The following TEPSIN variants were observed in gnomAD, a reference collection of about 807,000 sequenced individuals.
TEPSIN encodes the protein AP-4 complex accessory subunit tepsin.
TEPSIN carries 50 observed loss-of-function variants against 48.5 expected under a neutral mutation model. The observed-to-expected ratio is 1.03, with a 90% CI of 0.82 to 1.31. TEPSIN has a LOEUF of 1.31. TEPSIN is among the 50% of genes most tolerant of loss of function. TEPSIN has a pLI of 0.00. For missense variants in TEPSIN, 838 were observed against 815.9 expected (o/e 1.03, Z -0.33); for synonymous variants, 392 against 358.8 (o/e 1.09, Z -1.05).
In TEPSIN at chr17:81,231,140, C is replaced by T. The variant is rs577986559; in HGVS notation, c.1098+258G>A. 4.9e-5 allele frequency: 28 copies of T among 567,396 alleles called. No homozygotes were observed. The East Asian group carries it at 5.9e-4, about 12-fold the overall frequency. 35.1% of individuals were successfully genotyped at this position (567,396 alleles called of 1,614,324 possible). On this transcript the variant is annotated intron_variant, in intron 11 of 12. Transcript: ENST00000637944. ...ACATGCAGTCATGTACACACACACA[C>T]AGATGTGTGCATACCACACACGTGC...
rs987138108 is a variant in TEPSIN, at chr17:81,232,092, C to A, written c.731-71G>T. On this transcript the variant is annotated intron_variant, in intron 8 of 12. Coordinates refer to ENST00000637944, the MANE Select transcript of TEPSIN (RefSeq NM_001363764.2). ...AGCCCCATGCCCACCTCCCGGGGCC[C>A]TGGACCAGGAGGCCTCGGGGGCTGA... 2.0e-6 allele frequency: 3 copies of A among 1,537,636 alleles called. No individual in the cohort carries two copies. The African/African-American group carries it at 4.1e-5, about 21-fold the overall frequency.
At position 81,229,439 on chromosome 17, in the gene TEPSIN, G is replaced by T. The variant is rs776361462; in HGVS notation, c.1271C>A (p.Ser424Tyr). ...RHFEASCGQL[S>Y]PARGTSAEPG... The stretch of plus-strand genomic sequence containing the variant: ...CTCAGCTGAGGTGCCCCGGGCAGGG[G>T]ACAGCTGCCCACAGGAGGCCTCAAA... Residue 424 changes from serine to tyrosine, a missense_variant, in exon 13 of 13, where the codon TCC (serine) becomes TAC (tyrosine). Coordinates refer to ENST00000637944, the MANE Select transcript of TEPSIN (RefSeq NM_001363764.2). 2.6e-6 allele frequency: 4 copies of T among 1,549,980 alleles called. No homozygotes were observed. The South Asian group carries it at 3.6e-5, about 14-fold the overall frequency.
rs989163120 is a variant in TEPSIN at position 81,232,445 on chromosome 17, C to A, written c.600G>T (p.Gly200=). The A allele has an allele frequency of 3.3e-6, 5 of 1,535,576 alleles. No homozygotes were observed. The African/African-American group carries it at 6.8e-5, about 21-fold the overall frequency. The change falls in exon 8 of 13, where the codon GGG becomes GGT. Residue 200 remains glycine (G), a synonymous_variant. Coordinates refer to ENST00000637944, the MANE Select transcript of TEPSIN (RefSeq NM_001363764.2). ...GCCTCCGGGTACTGGGACTCTCGGGCCCGGGGCGCATGGCGCTGGCCACCA... is the reference window on the plus strand; with the variant it reads ...GCCTCCGGGTACTGGGACTCTCGGGACCGGGGCGCATGGCGCTGGCCACCA... ...AEVVASAMRP[G]PESPSTRRLL... is the part of the protein sequence containing the mutation.
chr17:81,231,371 G>A (rs984870464), intron 11 of TEPSIN, 27 bp downstream of exon 11: 22 of 1,518,330 alleles, frequency 1.4e-5, no homozygotes, highest in African/African-American at 4.1e-5. Context: ...ACACAGTCAC[G>A]CCCTCCCGCC....
chr17:81,228,448 A>G lies in TEPSIN; in HGVS notation c.*480T>C. 1 of 208,154 alleles carries G rather than the reference A, an allele frequency of 4.8e-6. No homozygotes were observed. The highest frequency in any genetic ancestry group is 9.6e-6 in the Non-Finnish European group (1 of 104,256). The allele number at this position is 208,154 out of a possible 1,614,324, so 12.9% of individuals were successfully genotyped here. On this transcript the variant is annotated 3_prime_UTR_variant, in exon 13 of 13. Coordinates refer to ENST00000637944, the MANE Select transcript of TEPSIN (RefSeq NM_001363764.2). ...ATCACGTAGGGATCTGAGACTTGAA[A>G]TGGCCTCAGGCCAGACAGCACAAGG...
Position 81,231,894 on chromosome 17 carries a change from G to T in TEPSIN, c.858C>A (p.Ser286Arg). 1 of 1,613,566 alleles carries T rather than the reference G, an allele frequency of 6.2e-7. No homozygotes were observed. The highest frequency in any genetic ancestry group is 8.5e-7 in the Non-Finnish European group (1 of 1,180,008). Residue 286 changes from serine (S) to arginine (R), a missense_variant, in exon 9 of 13, where the codon AGC becomes AGA. By Grantham distance (110) the Ser-to-Arg change is moderately radical. Coordinates refer to ENST00000637944, the MANE Select transcript of TEPSIN (RefSeq NM_001363764.2). ...CCCGGCTGGCCCCTGAATGGCTGTCGCTGCCGGAATGACTGCCCGAGTCCG... is the reference window on the plus strand; with the variant it reads ...CCCGGCTGGCCCCTGAATGGCTGTCTCTGCCGGAATGACTGCCCGAGTCCG... ...RVSDSGSHSG[S>R]DSHSGASREP...
chr17:81,230,569 C>T lies in TEPSIN; in HGVS notation c.1208G>A (p.Gly403Glu), dbSNP rs769733385. Residue 403 changes from glycine (G) to glutamate (E), a missense_variant, in exon 12 of 13, where the codon GGA becomes GAA. Transcript: ENST00000637944. The surrounding 1 kb of genome is among the most constrained non-coding windows in gnomAD (Gnocchi z 4.2). ...WLQELSMGSP[G>E]PVTNKATKIL... is the part of the protein sequence containing the mutation. ...CTTGGTGGCCTTGTTGGTCACAGGT[C>T]CCGGGCTGCCCATGCTGAGCTCCTG... is the stretch of plus-strand genomic sequence containing the variant. 60 of 1,611,734 alleles carry T rather than the reference C, an allele frequency of 3.7e-5. No homozygotes were observed. In the East Asian group the frequency reaches 1.3e-3, roughly 36 times the overall value.
chr17:81,236,340 T>C (rs912972894), intron 4 of TEPSIN, among the ~76,000 whole-genome samples: 35 of 152,310 alleles, frequency 2.3e-4, no homozygotes, highest in East Asian at 1.9e-4. Context: ...CTGAGTCTGC[T>C]ATGTGTGGGC....
At position 81,234,265 on chromosome 17, in the gene TEPSIN, C is replaced by A. The variant is rs1031887668; in HGVS notation, c.308-217G>T. On this transcript the variant is annotated intron_variant, in intron 4 of 12. Coordinates refer to ENST00000637944, the MANE Select transcript of TEPSIN (RefSeq NM_001363764.2). The surrounding 1 kb of genome is among the most constrained non-coding windows in gnomAD (Gnocchi z 5.4). ...ACCCATGCCCCACAGAGGCGAGACT[C>A]TCTCCACAGCAACCACCTCGTCTCC... is the stretch of plus-strand genomic sequence containing the variant. The A allele has an allele frequency of 1.7e-5, 7 of 409,446 alleles. No individual in the cohort carries two copies. The highest frequency in any genetic ancestry group is 3.6e-5 in the East Asian group (1 of 27,520). 25.4% of individuals were successfully genotyped at this position (409,446 alleles called of 1,614,324 possible). A position where few individuals can be genotyped will look rare whatever the true frequency, so the allele number is the denominator to read the frequency against.
intron 4 of TEPSIN, among the ~76,000 whole-genome samples, chr17:81,235,675 C>T (rs576283447): frequency 3.7e-4 from 57 of 152,282 alleles, no homozygotes; most frequent in South Asian, 1.0e-3. Context: ...ACGGGAGTGG[C>T]CTGGAGCCCG....
Position 81,230,619 on chromosome 17 carries a change from G to T in TEPSIN, c.1158C>A (p.Ile386=). Residue 386 remains isoleucine (I), a synonymous_variant, in exon 12 of 13, where the codon ATC becomes ATA. Coordinates refer to ENST00000637944, the MANE Select transcript of TEPSIN (RefSeq NM_001363764.2). This position sits in a 1 kb window ranked among gnomAD's most constrained non-coding sequence, Gnocchi z 4.2. ...GCAGCCACGGCCGGGTGCGGAGGAG[G>T]ATGTGCTCCTGGGGGAGGAGGTCGC... ...GSSDLLPQEH[I]LLRTRPWLQE... 1.9e-6 allele frequency: 3 copies of T among 1,605,124 alleles called. No individual in the cohort carries two copies. Among genetic ancestry groups the T allele is most frequent in the South Asian group, 2.2e-5 (2 of 90,020 alleles).
In TEPSIN at chr17:81,236,755, A is replaced by G; in HGVS notation, c.260T>C (p.Phe87Ser). The change falls in exon 4 of 13, where the codon TTC (phenylalanine) becomes TCC (serine). Residue 87 changes from phenylalanine (F) to serine (S), a missense_variant. Physicochemically the swap from Phe to Ser is radical, Grantham distance 155. Transcript: ENST00000637944. ...AGAGTTGCGTTTGAGGATGAGCAGG[A>G]AGAAGGAGGAGCCGTGGCTGCACAG... is the stretch of plus-strand genomic sequence containing the variant. The part of the protein sequence containing the change: ...LYLCSHGSSF[F>S]LLILKRNSAF... The G allele has an allele frequency of 6.3e-7, 1 of 1,574,878 alleles. No homozygotes were observed. The highest frequency in any genetic ancestry group is 1.8e-5 in the Admixed American group (1 of 54,238).
chr17:81,237,566 T>G, intron 1 of TEPSIN, 107 bp from the exon 2 acceptor site: 1 of 1,177,390 alleles, frequency 8.5e-7, no homozygotes, highest in South Asian at 1.5e-5. Flanking sequence ...ACTGTTGACA[T>G]GGCCGGAGAG....
At position 81,239,051 on chromosome 17, in the gene TEPSIN, G is replaced by C. The variant is rs73356088; in HGVS notation, c.-18C>G. ...GCAGCCATGATCCAGGTCCCCTCCCGGTCTGCCCCGCTTCCGCCAGGCCCG... is the reference window on the plus strand; with the variant it reads ...GCAGCCATGATCCAGGTCCCCTCCCCGTCTGCCCCGCTTCCGCCAGGCCCG... On this transcript the variant is annotated 5_prime_UTR_variant, in exon 1 of 13. Coordinates refer to ENST00000637944, the MANE Select transcript of TEPSIN (RefSeq NM_001363764.2). 1.3e-6 allele frequency: 2 copies of C among 1,486,356 alleles called. No individual in the cohort carries two copies. The highest frequency in any genetic ancestry group is 1.8e-6 in the Non-Finnish European group (2 of 1,124,176). 92.1% of individuals were successfully genotyped at this position (1,486,356 alleles called of 1,614,324 possible). A position where few individuals can be genotyped will look rare whatever the true frequency, so the allele number is the denominator to read the frequency against.
Position 81,234,223 on chromosome 17 carries a change from A to C in TEPSIN, c.308-175T>G. On this transcript the variant is annotated intron_variant, in intron 4 of 12. Transcript: ENST00000637944. This position sits in a 1 kb window ranked among gnomAD's most constrained non-coding sequence, Gnocchi z 5.4. ...CCCTGCAGAGGCCACACCTGAGCAG[A>C]CCCTCAGCTCCCCCTCACCCATGCC... The C allele has an allele frequency of 2.1e-6, 1 of 483,000 alleles. No homozygotes were observed. Among genetic ancestry groups the C allele is most frequent in the South Asian group, 3.9e-5 (1 of 25,604 alleles). 29.9% of individuals were successfully genotyped at this position (483,000 alleles called of 1,614,324 possible).
In TEPSIN at chr17:81,239,011, C is replaced by T. The variant is rs2146859361; in HGVS notation, c.23G>A (p.Arg8Gln). The T allele has an allele frequency of 1.3e-6, 2 of 1,489,718 alleles. No individual in the cohort carries two copies. Among genetic ancestry groups the T allele is most frequent in the Non-Finnish European group, 1.8e-6 (2 of 1,124,980 alleles). The allele number at this position is 1,489,718 out of a possible 1,614,324, so 92.3% of individuals were successfully genotyped here. MAAAPPL[R>Q]DRLSFLHRLP... ...CCGGTGTAGAAAGCTCAGGCGGTCC[C>T]GTAGCGGCGGCGCGGCAGCCATGAT... Residue 8 changes from arginine (R) to glutamine (Q), a missense_variant, in exon 1 of 13, where the codon CGG becomes CAG. Arg to Gln is a conservative substitution (Grantham distance 43). Transcript: ENST00000637944.
Position 81,232,351 on chromosome 17 carries a change from C to T in TEPSIN, c.694G>A (p.Gly232Arg). 1 of 1,534,824 alleles carries T rather than the reference C, an allele frequency of 6.5e-7. No homozygotes were observed. The highest frequency in any genetic ancestry group is 1.2e-5 in the South Asian group (1 of 83,990). Reference sequence around the variant, plus strand: ...GGAATGGCCCCGGGGAGTAGGTTCCCCAGGGTTGGGGGACCGTGGCTGGCT... The same window carrying T: ...GGAATGGCCCCGGGGAGTAGGTTCCTCAGGGTTGGGGGACCGTGGCTGGCT... ...PSASHGPPTL[G>R]NLLPGAIPGP... is the part of the protein sequence containing the mutation. The change falls in exon 8 of 13, where the codon GGG (glycine) becomes AGG (arginine). Residue 232 changes from glycine (G) to arginine (R), a missense_variant. Gly to Arg is a moderately radical substitution (Grantham distance 125, BLOSUM62 -2). Transcript: ENST00000637944.
chr17:81,230,852 CA>C lies in TEPSIN; in HGVS notation c.1099-175del, dbSNP rs1284320015. ...CCTCACCGCCTTACACCCCGGATCCCAGACACCACAGCCCTGTCCTCACCAC... is the reference window on the plus strand; with the variant it reads ...CCTCACCGCCTTACACCCCGGATCCCGACACCACAGCCCTGTCCTCACCAC... On this transcript the variant is annotated intron_variant, in intron 11 of 12. Transcript: ENST00000637944. This position sits in a 1 kb window ranked among gnomAD's most constrained non-coding sequence, Gnocchi z 4.2. The C allele has an allele frequency of 1.4e-3, 1,100 of 796,532 alleles. 10 individuals are homozygous for C. The African/African-American group carries it at 0.019, about 14-fold the overall frequency. The allele number at this position is 796,532 out of a possible 1,614,324, so 49.3% of individuals were successfully genotyped here. A position where few individuals can be genotyped will look rare whatever the true frequency, so the allele number is the denominator to read the frequency against.
At chr17:81,229,677 T>G in intron 12 of TEPSIN, 2 of 612,586 alleles carry the variant, frequency 3.3e-6, no homozygotes, top group South Asian at 3.9e-5. Context: ...GGGCTGGTGC[T>G]GGCGACACGG....
Sources: allele counts gnomAD v4.1 joint callset (sites outside exome capture counted in the v4.1 genomes callset), GRCh38; gene constraint gnomAD v4.1.1; non-coding constraint Gnocchi (gnomAD v3.1); transcripts MANE v1.5; gene names NCBI Gene and HGNC (gene_info 2026-07-23, HGNC 2026-07-21).